The following INTS10 variants were observed in gnomAD, a reference collection of about 807,000 sequenced individuals.
INTS10 encodes the protein chromosome 8 open reading frame 35.
Under a neutral mutation model 94.4 loss-of-function variants are expected in INTS10, and 44 were observed. That is an observed-to-expected ratio of 0.47 (90% CI 0.37 to 0.60). INTS10 has a LOEUF of 0.60. Among genes scored for constraint, INTS10 ranks in the 20% least tolerant of loss-of-function variants. The pLI is 0.00. For missense variants in INTS10, 797 were observed against 868.7 expected (o/e 0.92, Z 1.04); for synonymous variants, 341 against 320.7 (o/e 1.06, Z -0.68).
chr8:19,822,679 C>T (rs1160525381), intron 5 of INTS10, among the ~76,000 whole-genome samples, 159 bp downstream of exon 5: 6 of 151,632 alleles, frequency 4.0e-5, no homozygotes, highest in Non-Finnish European at 2.9e-5. Context: ...TAGCTGGGTG[C>T]GGTGGCTCAC....
Position 19,817,458 on chromosome 8 carries a change from C to CGGCGGT in INTS10, c.-78_-77insCGGTGG. The CGGCGGT allele has an allele frequency of 3.3e-6, 5 of 1,505,750 alleles. No individual in the cohort carries two copies. The highest frequency in any genetic ancestry group is 4.4e-6 in the Non-Finnish European group (5 of 1,124,004). The allele number at this position is 1,505,750 out of a possible 1,614,324, so 93.3% of individuals were successfully genotyped here. On this transcript the variant is annotated 5_prime_UTR_variant, in exon 1 of 17. Coordinates refer to ENST00000397977, the MANE Select transcript of INTS10 (RefSeq NM_018142.4). ...TCCCCCGCGGTGGCGGCGGCGGCGG[C>CGGCGGT]GGTGGCTGCCGTGGCGGCTGAGAGT...
At chr8:19,821,941 T>C (rs1015013670) in intron 4 of INTS10, 1 of 152,852 alleles carries the variant, frequency 6.5e-6, no homozygotes, top group Admixed American at 6.5e-5. Flanking sequence ...AAGGCATTGG[T>C]AATGGAAAGG....
chr8:19,819,524 A>T, intron 2 of INTS10, 49 bp from the exon 3 acceptor site: 1 of 1,391,244 alleles, frequency 7.2e-7, no homozygotes, highest in African/African-American at 1.5e-5. Context: ...TCTTTTGGAT[A>T]CTGTATAGAC....
chr8:19,843,032 T>C lies in INTS10; in HGVS notation c.1719+105T>C, dbSNP rs141102435. The C allele has an allele frequency of 5.0e-3, 3,998 of 807,378 alleles. 112 individuals carry two copies. The African/African-American group carries it at 0.058, about 12-fold the overall frequency. The allele number at this position is 807,378 out of a possible 1,614,324, so 50.0% of individuals were successfully genotyped here. A position where few individuals can be genotyped will look rare whatever the true frequency, so the allele number is the denominator to read the frequency against. On this transcript the variant is annotated intron_variant, in intron 14 of 16. Coordinates refer to ENST00000397977, the MANE Select transcript of INTS10 (RefSeq NM_018142.4). The surrounding 1 kb of genome is among the most constrained non-coding windows in gnomAD (Gnocchi z 4.7). ...CTAAGGATTGTTATTTTAGTACTTT[T>C]GAGGGCAGGCCCAAACAGTTAGAAA...
At chr8:19,822,351 A>G in intron 4 of INTS10, 88 bp from the exon 5 acceptor site, 2 of 696,352 alleles carry the variant, frequency 2.9e-6, no homozygotes, top group Non-Finnish European at 5.0e-6. Flanking sequence ...GCAAACTGTG[A>G]TAAGTAAAAA....
At chr8:19,818,209 A>G (rs750076789) in intron 1 of INTS10, 66 bp from the exon 2 acceptor site, 43 of 1,512,788 alleles carry the variant, frequency 2.8e-5, no homozygotes, top group Non-Finnish European at 4.6e-6. Context: ...CCAACGAGCG[A>G]TGCTGGATGA....
chr8:19,841,927 C>T (rs918847262), intron 13 of INTS10: 17 of 436,946 alleles, frequency 3.9e-5, no homozygotes, highest in Non-Finnish European at 6.4e-5. Context: ...TTATTCCATG[C>T]ACCTTTTGTT....
At chr8:19,827,337 C>G (rs1352647385) in intron 9 of INTS10, among the ~76,000 whole-genome samples, 1 of 152,198 alleles carries the variant, frequency 6.6e-6, no homozygotes, top group Non-Finnish European at 1.5e-5. Flanking sequence ...TGAGGCTTCT[C>G]CTGAACACCC....
At chr8:19,826,985 T>C (rs1237774876) in intron 9 of INTS10, among the ~76,000 whole-genome samples, 1 of 152,008 alleles carries the variant, frequency 6.6e-6, no homozygotes, top group Non-Finnish European at 1.5e-5. Flanking sequence ...AATGGGAAGC[T>C]CTGAGGTGGG....
intron 10 of INTS10, among the ~76,000 whole-genome samples, chr8:19,831,380 T>C (rs1260642764): frequency 6.6e-6 from 1 of 152,218 alleles, no homozygotes; most frequent in East Asian, 1.9e-4. Flanking sequence ...ATGTTTGTTA[T>C]TTTAATTAGG....
chr8:19,847,807 T>C (rs1281514196), intron 16 of INTS10, among the ~76,000 whole-genome samples: 2 of 152,196 alleles, frequency 1.3e-5, no homozygotes, highest in African/African-American at 4.8e-5. Context: ...GGGTACCAGC[T>C]AGTATCACAG....
Position 19,820,472 on chromosome 8 carries a change from T to G in INTS10, c.395T>G (p.Leu132Trp). 1.9e-6 allele frequency: 3 copies of G among 1,613,022 alleles called. No homozygotes were observed. The highest frequency in any genetic ancestry group is 2.5e-6 in the Non-Finnish European group (3 of 1,179,130). ...CFNTLERSEMLLLLLRRFPET... is the reference protein window; with the variant it reads ...CFNTLERSEMWLLLLRRFPET... Reference sequence around the variant, plus strand: ...AACACGTTAGAACGATCAGAAATGTTGCTTCTACTTTTGAGGCGCTTCCCT... The same window carrying G: ...AACACGTTAGAACGATCAGAAATGTGGCTTCTACTTTTGAGGCGCTTCCCT... The change falls in exon 4 of 17, where the codon TTG becomes TGG. Residue 132 changes from leucine to tryptophan, a missense_variant. By Grantham distance (61) the Leu-to-Trp change is moderately conservative. This residue lies in a region of INTS10 where 734 missense variants were observed against 787.8 expected (regional missense o/e 0.93). Transcript: ENST00000397977.
intron 8 of INTS10, among the ~76,000 whole-genome samples, chr8:19,825,467 A>C (rs1379972866): frequency 2.0e-5 from 3 of 151,622 alleles, no homozygotes; most frequent in Non-Finnish European, 2.9e-5. Context: ...CAGAGGCTGC[A>C]GTGAGCTGAG....
chr8:19,833,210 A>T lies in INTS10; in HGVS notation c.1419A>T (p.Ala473=). The change falls in exon 12 of 17, where the codon GCA becomes GCT. Residue 473 remains alanine, a synonymous_variant. Transcript: ENST00000397977. ...CGATAGCCAGCCTGCATCACTTAGC[A>T]GCTCTCCAGGGATCCATTTCTCAGC... ...KKAIASLHHL[A]ALQGSISQPQ... The T allele has an allele frequency of 6.2e-7, 1 of 1,611,868 alleles. No individual in the cohort carries two copies. The highest frequency in any genetic ancestry group is 2.2e-5 in the East Asian group (1 of 44,714).
chr8:19,847,041 G>C (rs895267167), intron 16 of INTS10, among the ~76,000 whole-genome samples: 2 of 152,192 alleles, frequency 1.3e-5, no homozygotes, highest in African/African-American at 4.8e-5. Flanking sequence ...AGTCTTAGAA[G>C]TGCCTAGGGA....
At chr8:19,825,202 C>G (rs1251317804) in intron 8 of INTS10, among the ~76,000 whole-genome samples, 2 of 152,136 alleles carry the variant, frequency 1.3e-5, no homozygotes, top group African/African-American at 4.8e-5. Context: ...TACTGCACAA[C>G]TAAAAAGAGA....
chr8:19,847,937 A>T (rs1347408367), intron 16 of INTS10, among the ~76,000 whole-genome samples: 1 of 152,202 alleles, frequency 6.6e-6, no homozygotes, highest in Admixed American at 6.5e-5. Context: ...CTAACTTTCT[A>T]TAGAAGACAA....
chr8:19,835,460 A>G (rs530520232), intron 12 of INTS10, among the ~76,000 whole-genome samples: 1 of 152,310 alleles, frequency 6.6e-6, no homozygotes, highest in African/African-American at 2.4e-5. Context: ...AAGACAATGA[A>G]AAAAACAAAT....
At chr8:19,822,375 C>A in intron 4 of INTS10, 64 bp from the exon 5 acceptor site, 1 of 918,998 alleles carries the variant, frequency 1.1e-6, no homozygotes, top group South Asian at 1.5e-5. Flanking sequence ...TACCCCATTA[C>A]TTCATATAGT....
Sources: allele counts gnomAD v4.1 joint callset (sites outside exome capture counted in the v4.1 genomes callset), GRCh38; gene constraint gnomAD v4.1.1; regional missense constraint gnomAD v4.1.1; non-coding constraint Gnocchi (gnomAD v3.1); transcripts MANE v1.5; gene names NCBI Gene and HGNC (gene_info 2026-07-23, HGNC 2026-07-21).